The following CLEC12B variants were observed in gnomAD, a reference collection of about 807,000 sequenced individuals.
CLEC12B encodes macrophage antigen h.
A neutral mutation model predicts 36.1 loss-of-function variants in CLEC12B; 25 were observed. That is an observed-to-expected ratio of 0.69 (90% confidence interval 0.50 to 0.97). The LOEUF (loss-of-function observed/expected upper bound fraction) is 0.97. CLEC12B is among the 50% of genes least tolerant of loss of function. The probability of loss-of-function intolerance (pLI) is 0.00; values close to 1 mark genes in which losing one functional copy is unlikely to be tolerated. For synonymous variants in CLEC12B, 110 were observed against 108.5 expected, an observed-to-expected ratio of 1.01 and a Z score of -0.09; for missense variants, 325 against 318.4, an observed-to-expected ratio of 1.02 and a Z score of -0.16.
intron 3 of CLEC12B, 147 bp from the exon 4 acceptor site, chr12:10,015,105 C>CT (rs560820421): frequency 3.1e-4 from 220 of 715,378 alleles, no homozygotes; most frequent in African/African-American, 1.3e-3. Context: ...CCAGGGGTCA[C>CT]TTTTTTTTCA....
Position 10,018,663 on chromosome 12 carries a change from ATGT to A in CLEC12B, c.*184_*186del. Reference sequence around the variant, plus strand: ...TCCTTGTCTGACGTCTTCTGATTTGATGTTATTATTCGGTCTTAAAATTATACC... The same window carrying A: ...TCCTTGTCTGACGTCTTCTGATTTGATATTATTCGGTCTTAAAATTATACC... On this transcript the variant is annotated 3_prime_UTR_variant, in exon 6 of 6. Transcript: ENST00000338896. 1.7e-6 allele frequency: 1 copy of A among 581,688 alleles called. No homozygotes were observed. Among genetic ancestry groups the A allele is most frequent in the Non-Finnish European group, 3.0e-6 (1 of 336,256 alleles). 36.0% of individuals were successfully genotyped at this position (581,688 alleles called of 1,614,324 possible).
intron 5 of CLEC12B, chr12:10,017,100 T>C (rs549732230): frequency 5.2e-4 from 508 of 985,272 alleles, no homozygotes; most frequent in Non-Finnish European, 6.0e-4. Context: ...ATTTTCTCCC[T>C]GGATACACTT....
chr12:10,008,746 T>C (rs897117358), upstream of CLEC12B, among the ~76,000 whole-genome samples: 1 of 152,166 alleles, frequency 6.6e-6, no homozygotes, highest in African/African-American at 2.4e-5. Context: ...TAATTAGGAA[T>C]CAGGTGACAT....
At position 10,015,319 on chromosome 12, in the gene CLEC12B, A is replaced by C. The variant is rs1226128273; in HGVS notation, c.477A>C (p.Thr159=). 2 of 1,613,536 alleles carry C rather than the reference A, an allele frequency of 1.2e-6. No homozygotes were observed. Among genetic ancestry groups the C allele is most frequent in the South Asian group, 1.1e-5 (1 of 91,072 alleles). Residue 159 remains threonine, a synonymous_variant, in exon 4 of 6, where the codon ACA becomes ACC. Transcript: ENST00000338896. The part of the protein sequence containing the change: ...WYQNSCYYFT[T]NEEKTWANSR... ...AAAATAGTTGCTACTATTTTACAAC[A>C]AATGAGGAGAAAACCTGGGCTAACA...
At chr12:10,015,939 A>C (rs1353689209) in intron 5 of CLEC12B, 2 of 1,365,886 alleles carry the variant, frequency 1.5e-6, no homozygotes, top group Non-Finnish European at 1.9e-6. Context: ...TTTTGGTAGA[A>C]ATGTGTTTAT....
chr12:10,015,221 T>G (rs1309999723), intron 3 of CLEC12B, 31 bp from the exon 4 acceptor site: 2 of 1,583,488 alleles, frequency 1.3e-6, no homozygotes, highest in South Asian at 2.3e-5. Flanking sequence ...GAGTCTTCAG[T>G]TTATATTATT....
intron 5 of CLEC12B, chr12:10,018,062 G>T: frequency 1.4e-6 from 1 of 729,580 alleles, no homozygotes; most frequent in Non-Finnish European, 1.7e-6. Flanking sequence ...ATTTATGAAG[G>T]AAATACAAAT....
At chr12:10,010,337 A>G (rs1865297100), upstream of CLEC12B, among the ~76,000 whole-genome samples, 1 of 152,204 alleles carries the variant, frequency 6.6e-6, no homozygotes, top group African/African-American at 2.4e-5. Flanking sequence ...AGAATAAACT[A>G]GAACCAATGT....
upstream of CLEC12B, among the ~76,000 whole-genome samples, chr12:10,006,624 G>A (rs1865229492): frequency 6.6e-6 from 1 of 152,108 alleles, no homozygotes; most frequent in Admixed American, 6.5e-5. Flanking sequence ...TTTTGGAGAA[G>A]AAAGTTTGTC....
At position 10,015,234 on chromosome 12, in the gene CLEC12B, G is replaced by A; in HGVS notation, c.410-18G>A. The A allele has an allele frequency of 2.5e-6, 4 of 1,600,816 alleles. No homozygotes were observed. On this transcript the variant is annotated intron_variant, in intron 3 of 5. Coordinates refer to ENST00000338896, the MANE Select transcript of CLEC12B (RefSeq NM_001129998.3). ...TAGAGTCTTCAGTTTATATTATTGG[G>A]TATAATTTCCTTTTCAGACCACAGA... is the stretch of plus-strand genomic sequence containing the variant.
In CLEC12B at chr12:10,018,703, G is replaced by A; in HGVS notation, c.*222G>A. The A allele has an allele frequency of 2.0e-6, 1 of 500,496 alleles. No individual in the cohort carries two copies. Among genetic ancestry groups the A allele is most frequent in the East Asian group, 3.6e-5 (1 of 27,650 alleles). The allele number at this position is 500,496 out of a possible 1,614,324, so 31.0% of individuals were successfully genotyped here. ...CTTAAAATTATACCTGGGGACAAAG[G>A]GGAATAGCCATACTATGGCCCTATG... On this transcript the variant is annotated 3_prime_UTR_variant, in exon 6 of 6. Transcript: ENST00000338896.
chr12:10,012,589 G>C (rs979880817), intron 1 of CLEC12B, among the ~76,000 whole-genome samples, 196 bp from the exon 2 acceptor site: 1 of 152,074 alleles, frequency 6.6e-6, no homozygotes, highest in Non-Finnish European at 1.5e-5. Context: ...GAAGGAGAGC[G>C]GTGGAGAAAT....
At chr12:10,008,069 C>T (rs1865251778), upstream of CLEC12B, among the ~76,000 whole-genome samples, 1 of 152,062 alleles carries the variant, frequency 6.6e-6, no homozygotes, top group African/African-American at 2.4e-5. Flanking sequence ...AAGAATTTCT[C>T]ATATTGGAAA....
At position 10,017,277 on chromosome 12, in the gene CLEC12B, C is replaced by T. The variant is rs906257764; in HGVS notation, c.681-1054C>T. ...AGTAATACACAAACAAAAAAAGTGA[C>T]AGTTACTTTTTTGTGACAAGAGCAA... On this transcript the variant is annotated intron_variant, in intron 5 of 5. Transcript: ENST00000338896. The T allele has an allele frequency of 3.8e-5, 37 of 985,274 alleles. No homozygotes were observed. The South Asian group carries it at 1.1e-3, about 30-fold the overall frequency. 61.0% of individuals were successfully genotyped at this position (985,274 alleles called of 1,614,324 possible).
At chr12:10,006,457 G>GTTTTT (rs139343460), upstream of CLEC12B, among the ~76,000 whole-genome samples, 157 of 149,144 alleles carry the variant, frequency 1.1e-3, no homozygotes, top group African/African-American at 2.7e-3. Context: ...TCCAGGATAA[G>GTTTTT]TTTTTTGTTT....
upstream of CLEC12B, among the ~76,000 whole-genome samples, chr12:10,006,636 C>T (rs1450388363): frequency 1.3e-5 from 2 of 151,958 alleles, no homozygotes; most frequent in East Asian, 1.9e-4. Flanking sequence ...AAGTTTGTCA[C>T]GAAAAGTGAA....
upstream of CLEC12B, among the ~76,000 whole-genome samples, chr12:10,010,171 C>T (rs1031622267): frequency 2.1e-5 from 3 of 142,892 alleles, no homozygotes; most frequent in Non-Finnish European, 4.5e-5. Context: ...CTCTCTGTCT[C>T]TCTCTCTCTG....
rs770421319 is a variant in CLEC12B, at chr12:10,010,751, T to C, written c.-9T>C. The C allele has an allele frequency of 3.2e-6, 5 of 1,550,156 alleles. No homozygotes were observed. The South Asian group carries it at 4.4e-5, about 14-fold the overall frequency. Reference sequence around the variant, plus strand: ...AATTAGATAATTTAAAGTAGCGTTTTCTTCTACAATGTCTGAAGAAGTGAC... The same window carrying C: ...AATTAGATAATTTAAAGTAGCGTTTCCTTCTACAATGTCTGAAGAAGTGAC... On this transcript the variant is annotated 5_prime_UTR_variant, in exon 1 of 6. Transcript: ENST00000338896.
upstream of CLEC12B, among the ~76,000 whole-genome samples, chr12:10,008,475 A>G (rs1865256345): frequency 1.3e-5 from 2 of 152,216 alleles, no homozygotes; most frequent in Admixed American, 1.3e-4. Context: ...TGATAGGAGT[A>G]GAGATCAATA....
Sources: allele counts gnomAD v4.1 joint callset (sites outside exome capture counted in the v4.1 genomes callset), GRCh38; gene constraint gnomAD v4.1.1; transcripts MANE v1.5; gene names NCBI Gene and HGNC (gene_info 2026-07-23, HGNC 2026-07-21).